Variants in PHLPP1 observed in about 807,000 individuals in gnomAD.
PHLPP1 encodes PH domain and leucine rich repeat protein phosphatase 1.
A neutral mutation model predicts 117.2 loss-of-function variants in PHLPP1; 42 were observed. That is an observed-to-expected ratio of 0.36 (90% CI 0.28 to 0.46). PHLPP1 has a LOEUF of 0.46. PHLPP1 is among the 20% of genes least tolerant of loss of function. The pLI is 1.00. For missense variants in PHLPP1, 2,084 were observed against 2,241.9 expected, an observed-to-expected ratio of 0.93 and a Z score of 1.42; for synonymous variants, 1,042 against 970.7, an observed-to-expected ratio of 1.07 and a Z score of -1.37.
At chr18:62,894,871 T>TCA in intron 4 of PHLPP1, 140 bp from the exon 5 acceptor site, 1 of 598,356 alleles carries the variant, frequency 1.7e-6, no homozygotes, top group Non-Finnish European at 3.0e-6. Flanking sequence ...GTGCTGCTGC[T>TCA]CCTTAACCTC....
intron 1 of PHLPP1, among the ~76,000 whole-genome samples, chr18:62,783,419 G>T (rs1353675137): frequency 6.6e-6 from 1 of 151,796 alleles, no homozygotes; most frequent in African/African-American, 2.4e-5. Context: ...CAGTAGAGAC[G>T]GGGTTTCACC....
At chr18:62,922,210 C>A (rs1909493728) in intron 10 of PHLPP1, among the ~76,000 whole-genome samples, 1 of 152,282 alleles carries the variant, frequency 6.6e-6, no homozygotes, top group African/African-American at 2.4e-5. Flanking sequence ...GATCTCAGCT[C>A]ATTGCAACCT....
chr18:62,734,259 A>G (rs1340814529), intron 1 of PHLPP1, among the ~76,000 whole-genome samples: 1 of 152,140 alleles, frequency 6.6e-6, no homozygotes, highest in Non-Finnish European at 1.5e-5. Context: ...AAATTGGAAG[A>G]TGATGATTTG....
chr18:62,787,107 T>C (rs1913313071), intron 1 of PHLPP1, among the ~76,000 whole-genome samples: 1 of 152,196 alleles, frequency 6.6e-6, no homozygotes, highest in South Asian at 2.1e-4. Flanking sequence ...CAATTTTCTC[T>C]GGAATTTTAG....
chr18:62,861,986 T>C (rs1213540397), intron 4 of PHLPP1, among the ~76,000 whole-genome samples: 1 of 152,222 alleles, frequency 6.6e-6, no homozygotes, highest in Admixed American at 6.5e-5. Context: ...ATTTGGAGAG[T>C]ACTACTCCGT....
chr18:62,866,160 G>GT (rs1287402185), intron 4 of PHLPP1, among the ~76,000 whole-genome samples: 1 of 152,056 alleles, frequency 6.6e-6, no homozygotes, highest in Non-Finnish European at 1.5e-5. Flanking sequence ...TTAGTGAATG[G>GT]TTTGAACAAG....
intron 4 of PHLPP1, among the ~76,000 whole-genome samples, chr18:62,878,812 C>T (rs1289859624): frequency 6.6e-6 from 1 of 151,758 alleles, no homozygotes; most frequent in Non-Finnish European, 1.5e-5. Context: ...GGAAGTGCAA[C>T]AAAGGGGAGA....
intron 9 of PHLPP1, among the ~76,000 whole-genome samples, chr18:62,916,204 T>G (rs1220328737): frequency 6.6e-6 from 1 of 152,070 alleles, no homozygotes; most frequent in Admixed American, 6.6e-5. Context: ...CTAGTCCTAA[T>G]TGAGAAGTGC....
At position 62,919,683 on chromosome 18, in the gene PHLPP1, G is replaced by A. The variant is rs557182189; in HGVS notation, c.2805-276G>A. Among the ~76,000 whole-genome samples the A allele has an allele frequency of 2.5e-3, 388 of 152,300 alleles. 1 individual carries two copies. The highest frequency in any genetic ancestry group is 9.1e-3 in the African/African-American group (377 of 41,582). On this transcript the variant is annotated intron_variant, in intron 9 of 16. Transcript: ENST00000262719. ...TGCAGCCTTTGAAAGCTTGCCTTGTGACCCTAACAAGATTAGACTGATCTC... is the reference window on the plus strand; with the variant it reads ...TGCAGCCTTTGAAAGCTTGCCTTGTAACCCTAACAAGATTAGACTGATCTC...
chr18:62,764,163 C>CAAAAA (rs34939800), intron 1 of PHLPP1, among the ~76,000 whole-genome samples: 7 of 79,208 alleles, frequency 8.8e-5, no homozygotes, highest in South Asian at 4.3e-4. Flanking sequence ...AACTCCATCT[C>CAAAAA]AAAAAAAAAA....
At chr18:62,879,298 AAGAAGGCCCTCAAC>A (rs1916118217) in intron 4 of PHLPP1, among the ~76,000 whole-genome samples, 1 of 152,174 alleles carries the variant, frequency 6.6e-6, no homozygotes, top group South Asian at 2.1e-4. Flanking sequence ...ATGACACAGC[AAGAAGGCCCTCAAC>A]AGATGCCAGC....
At chr18:62,746,810 T>TA (rs542273589) in intron 1 of PHLPP1, among the ~76,000 whole-genome samples, 7 of 151,818 alleles carry the variant, frequency 4.6e-5, no homozygotes, top group Admixed American at 2.0e-4. Flanking sequence ...GTATTAAAAC[T>TA]AAAAAAAAGT....
chr18:62,864,849 C>T (rs1915731931), intron 4 of PHLPP1, among the ~76,000 whole-genome samples: 1 of 152,126 alleles, frequency 6.6e-6, no homozygotes, highest in Non-Finnish European at 1.5e-5. Flanking sequence ...TAGGATTAGT[C>T]TAAATTGCAG....
chr18:62,856,536 G>A (rs1013299350), intron 3 of PHLPP1, among the ~76,000 whole-genome samples: 6 of 151,956 alleles, frequency 3.9e-5, no homozygotes, highest in African/African-American at 1.5e-4. Flanking sequence ...CAAGTGGTCC[G>A]TCCACCTCAG....
chr18:62,738,190 A>ATTTTTTT (rs142560888), intron 1 of PHLPP1, among the ~76,000 whole-genome samples: 1 of 149,210 alleles, frequency 6.7e-6, no homozygotes, highest in Non-Finnish European at 1.5e-5. Context: ...TTTCTCTACC[A>ATTTTTTT]TTTTTTTTTT....
intron 4 of PHLPP1, among the ~76,000 whole-genome samples, chr18:62,881,664 C>T (rs1410360994): frequency 6.6e-6 from 1 of 152,194 alleles, no homozygotes; most frequent in Non-Finnish European, 1.5e-5. Flanking sequence ...AGCATCCGTG[C>T]ACTGCTAAGC....
intron 1 of PHLPP1, among the ~76,000 whole-genome samples, chr18:62,730,719 G>T (rs1247481967): frequency 1.3e-5 from 2 of 151,484 alleles, no homozygotes; most frequent in East Asian, 3.9e-4. Context: ...ATGAAAACGG[G>T]AGGCAGAGGT....
chr18:62,886,692 A>G (rs1040367721), intron 4 of PHLPP1, among the ~76,000 whole-genome samples: 1 of 152,180 alleles, frequency 6.6e-6, no homozygotes, highest in Non-Finnish European at 1.5e-5. Flanking sequence ...TATTTAGTTG[A>G]TTGTGCTTTT....
At chr18:62,918,083 G>A (rs1325956407) in intron 9 of PHLPP1, among the ~76,000 whole-genome samples, 1 of 151,704 alleles carries the variant, frequency 6.6e-6, no homozygotes, top group Non-Finnish European at 1.5e-5. Flanking sequence ...GTGCACGCCT[G>A]TAGTCCCAGC....
Sources: gnomAD v4.1 joint callset for allele counts (sites outside exome capture counted in the v4.1 genomes callset) on GRCh38, gnomAD v4.1.1 for gene constraint, MANE v1.5 for transcripts, NCBI Gene and HGNC (gene_info 2026-07-23, HGNC 2026-07-21) for gene names.